The following CASC3 variants were observed in gnomAD, a reference collection of about 807,000 sequenced individuals.
CASC3 encodes the protein protein CASC3.
A neutral mutation model predicts 80.5 loss-of-function variants in CASC3; 30 were observed. That is an observed-to-expected ratio of 0.37 (90% CI 0.28 to 0.51). The LOEUF (loss-of-function observed/expected upper bound fraction) is 0.51, where lower values mean the gene tolerates loss of function less well. CASC3 is among the 20% of genes least tolerant of loss of function. The probability of loss-of-function intolerance (pLI) is 0.94; values close to 1 mark genes in which losing one functional copy is unlikely to be tolerated. For synonymous variants in CASC3, 312 were observed against 333.6 expected (o/e 0.94, Z 0.70); for missense variants, 824 against 922.2 (o/e 0.89, Z 1.38).
At chr17:40,142,417 G>A (rs924038522) in intron 3 of CASC3, among the ~76,000 whole-genome samples, 2 of 152,190 alleles carry the variant, frequency 1.3e-5, no homozygotes, top group African/African-American at 4.8e-5. Context: ...TTAGGCAGTC[G>A]GGAAAGATTA....
In CASC3 at chr17:40,171,544, A is replaced by C; in HGVS notation, c.*1139A>C. 1.0e-6 allele frequency: 1 copy of C among 988,930 alleles called. No individual in the cohort carries two copies. Among genetic ancestry groups the C allele is most frequent in the African/African-American group, 1.7e-5 (1 of 57,326 alleles). 61.3% of individuals were successfully genotyped at this position (988,930 alleles called of 1,614,324 possible). Reference sequence around the variant, plus strand: ...TACTACCTTATTTTCCCCGAATTCTATTTTTGTCCTTGCAGACAGAATATA... The same window carrying C: ...TACTACCTTATTTTCCCCGAATTCTCTTTTTGTCCTTGCAGACAGAATATA... On this transcript the variant is annotated 3_prime_UTR_variant, in exon 14 of 14. Coordinates refer to ENST00000264645, the MANE Select transcript of CASC3 (RefSeq NM_007359.5).
At position 40,171,150 on chromosome 17, in the gene CASC3, T is replaced by G; in HGVS notation, c.*745T>G. The stretch of plus-strand genomic sequence containing the variant: ...GTGGGTAGGAGCCCTTCTCTTTGAC[T>G]TAGGTTTTTAGGAGTCTGAGCATCC... On this transcript the variant is annotated 3_prime_UTR_variant, in exon 14 of 14. Coordinates refer to ENST00000264645, the MANE Select transcript of CASC3 (RefSeq NM_007359.5). 6.1e-6 allele frequency: 6 copies of G among 986,038 alleles called. No individual in the cohort carries two copies. Among genetic ancestry groups the G allele is most frequent in the Non-Finnish European group, 7.2e-6 (6 of 829,994 alleles). 61.1% of individuals were successfully genotyped at this position (986,038 alleles called of 1,614,324 possible).
Position 40,162,705 on chromosome 17 carries a change from T to A in CASC3, c.609-20T>A. ...GGAGAATTCTGCTGACCCAAGACAC[T>A]TTTCCTTCATTTTATCCAGACCCAA... On this transcript the variant is annotated intron_variant, in intron 5 of 13. Transcript: ENST00000264645. 1 of 1,611,186 alleles carries A rather than the reference T, an allele frequency of 6.2e-7. No homozygotes were observed. Among genetic ancestry groups the A allele is most frequent in the African/African-American group, 1.3e-5 (1 of 74,896 alleles).
intron 3 of CASC3, among the ~76,000 whole-genome samples, chr17:40,144,771 G>A (rs1322608097): frequency 1.4e-5 from 2 of 147,950 alleles, no homozygotes; most frequent in African/African-American, 5.0e-5. Context: ...CAAACTGCTG[G>A]GTTCAACCAG....
chr17:40,151,694 CAAA>C lies in CASC3; in HGVS notation c.298-10041_298-10039del, dbSNP rs1010260103. 5.7e-5 allele frequency among the ~76,000 whole-genome samples: 3 copies of C among 53,090 alleles called. No individual in the cohort carries two copies. The East Asian group carries it at 1.8e-3, about 32-fold the overall frequency. The allele number at this position is 53,090 out of a possible 152,430, so 34.8% of individuals were successfully genotyped here. On this transcript the variant is annotated intron_variant, in intron 3 of 13. Coordinates refer to ENST00000264645, the MANE Select transcript of CASC3 (RefSeq NM_007359.5). The stretch of plus-strand genomic sequence containing the variant: ...GAGTAACAGAGTGAGACCTTCATCT[CAAA>C]AAAAAAAAAAAAAAAAAGGAAGGAA...
At chr17:40,159,354 A>G (rs1989231097) in intron 3 of CASC3, among the ~76,000 whole-genome samples, 1 of 152,090 alleles carries the variant, frequency 6.6e-6, no homozygotes, top group South Asian at 2.1e-4. Context: ...TGTAAACTTA[A>G]AGTGTTATTG....
intron 11 of CASC3, 31 bp downstream of exon 11, chr17:40,168,448 A>G (rs748835209): frequency 6.3e-7 from 1 of 1,579,542 alleles, no homozygotes; most frequent in African/African-American, 1.3e-5. Context: ...GTTTTTCTAG[A>G]TACACATTCT....
Position 40,171,946 on chromosome 17 carries a change from G to A in CASC3, c.*1541G>A. The A allele has an allele frequency of 7.8e-7, 1 of 1,282,996 alleles. No homozygotes were observed. Among genetic ancestry groups the A allele is most frequent in the Non-Finnish European group, 1.0e-6 (1 of 984,546 alleles). 79.5% of individuals were successfully genotyped at this position (1,282,996 alleles called of 1,614,324 possible). A position where few individuals can be genotyped will look rare whatever the true frequency, so the allele number is the denominator to read the frequency against. ...GTAGCTGGTGGTTGTGCCTTTTGTA[G>A]GCTGTTCCCTTTGCCTTAAACCTGA... On this transcript the variant is annotated 3_prime_UTR_variant, in exon 14 of 14. Transcript: ENST00000264645.
At chr17:40,150,321 A>G (rs1209753999) in intron 3 of CASC3, among the ~76,000 whole-genome samples, 3 of 152,092 alleles carry the variant, frequency 2.0e-5, no homozygotes, top group Non-Finnish European at 4.4e-5. Flanking sequence ...ACAGCAAGCT[A>G]TGATTGCACC....
chr17:40,169,879 C>T (rs1457702007), intron 13 of CASC3, among the ~76,000 whole-genome samples: 2 of 147,060 alleles, frequency 1.4e-5, no homozygotes, highest in African/African-American at 5.0e-5. Flanking sequence ...CCTCAGCCTC[C>T]TAAGTAGCTA....
At chr17:40,167,337 G>A in intron 8 of CASC3, 161 bp from the exon 9 acceptor site, 1 of 602,268 alleles carries the variant, frequency 1.7e-6, no homozygotes. Context: ...GAAGGTTTAG[G>A]TTCAAATCTT....
chr17:40,140,822 GCCGGC>G, intron 1 of CASC3, 43 bp downstream of exon 1: 1 of 602,446 alleles, frequency 1.7e-6, no homozygotes, highest in Non-Finnish European at 2.6e-6. Context: ...CGGGCGGCGA[GCCGGC>G]CGGGGGCGGG....
chr17:40,169,138 C>A, intron 11 of CASC3, 186 bp from the exon 12 acceptor site: 1 of 593,678 alleles, frequency 1.7e-6, no homozygotes, highest in South Asian at 3.5e-5. Context: ...AAATAAAAAC[C>A]AGAGCATAAT....
chr17:40,151,158 C>T (rs1045233852), intron 3 of CASC3, among the ~76,000 whole-genome samples: 4 of 152,052 alleles, frequency 2.6e-5, no homozygotes, highest in African/African-American at 9.7e-5. Flanking sequence ...ATGGTCGGCC[C>T]AGGAGTTCGA....
chr17:40,168,492 G>A lies in CASC3; in HGVS notation c.1965+75G>A, dbSNP rs1274927467. On this transcript the variant is annotated intron_variant, in intron 11 of 13. Transcript: ENST00000264645. Reference sequence around the variant, plus strand: ...GACAGGAATGTGGTATGGGGAGAATGCTAAAGGAATTTGAGAGAACATTTT... The same window carrying A: ...GACAGGAATGTGGTATGGGGAGAATACTAAAGGAATTTGAGAGAACATTTT... 5.4e-6 allele frequency: 7 copies of A among 1,303,898 alleles called. No individual in the cohort carries two copies. The Admixed American group carries it at 8.7e-5, about 16-fold the overall frequency. 80.8% of individuals were successfully genotyped at this position (1,303,898 alleles called of 1,614,324 possible). A position where few individuals can be genotyped will look rare whatever the true frequency, so the allele number is the denominator to read the frequency against.
intron 8 of CASC3, 92 bp from the exon 9 acceptor site, chr17:40,167,406 T>C: frequency 1.2e-6 from 1 of 810,838 alleles, no homozygotes; most frequent in Non-Finnish European, 2.1e-6. Flanking sequence ...ACCTGCCATG[T>C]ACCAAGTGTT....
chr17:40,154,393 C>G (rs759399726), intron 3 of CASC3, among the ~76,000 whole-genome samples: 13 of 151,396 alleles, frequency 8.6e-5, no homozygotes, highest in African/African-American at 3.2e-4. Context: ...GCTGCCATGC[C>G]CGGCTAATTT....
intron 12 of CASC3, 35 bp from the exon 13 acceptor site, chr17:40,169,563 T>G (rs771851326): frequency 6.3e-7 from 1 of 1,588,796 alleles, no homozygotes. Flanking sequence ...CTTTTTGTTA[T>G]GACCTGATAA....
intron 1 of CASC3, 36 bp downstream of exon 1, chr17:40,140,815 G>A: frequency 7.9e-7 from 1 of 1,266,320 alleles, no homozygotes; most frequent in Non-Finnish European, 1.1e-6. Context: ...TGGGGACCGG[G>A]CGGCGAGCCG....
Sources: allele counts gnomAD v4.1 joint callset (sites outside exome capture counted in the v4.1 genomes callset), GRCh38; gene constraint gnomAD v4.1.1; transcripts MANE v1.5; gene names NCBI Gene and HGNC (gene_info 2026-07-23, HGNC 2026-07-21).